Variants in DDC observed in about 807,000 individuals in gnomAD.
DDC encodes dopa decarboxylase.
A neutral mutation model predicts 60.0 loss-of-function variants in DDC; 43 were observed. The ratio of observed to expected loss-of-function variants is 0.72; its 90% CI spans 0.56 to 0.92. DDC has a LOEUF of 0.92. Among genes scored for constraint, DDC ranks in the 40% least tolerant of loss-of-function variants. The probability of loss-of-function intolerance (pLI) is 0.00; values close to 1 mark genes in which losing one functional copy is unlikely to be tolerated. For synonymous variants in DDC, 232 were observed against 234.6 expected, an observed-to-expected ratio of 0.99 and a Z score of 0.10; for missense variants, 573 against 620.2, an observed-to-expected ratio of 0.92 and a Z score of 0.81.
intron 4 of DDC, among the ~76,000 whole-genome samples, chr7:50,532,320 G>A (rs569878410): frequency 6.6e-6 from 1 of 152,346 alleles, no homozygotes; most frequent in African/African-American, 2.4e-5. Flanking sequence ...TAAAGCGGGG[G>A]CTGAGAGATG....
intron 13 of DDC, among the ~76,000 whole-genome samples, chr7:50,466,293 G>C (rs1025996380): frequency 6.6e-6 from 1 of 152,034 alleles, no homozygotes; most frequent in Non-Finnish European, 1.5e-5. Context: ...TTCGAGACCA[G>C]CCTGACCAAC....
chr7:50,518,438 C>T (rs1201452332), intron 6 of DDC, among the ~76,000 whole-genome samples: 1 of 152,106 alleles, frequency 6.6e-6, no homozygotes, highest in African/African-American at 2.4e-5. Flanking sequence ...CAAAGCAAGA[C>T]TAAGCAAAAA....
At chr7:50,482,101 C>G (rs1445633855) in intron 9 of DDC, among the ~76,000 whole-genome samples, 1 of 152,224 alleles carries the variant, frequency 6.6e-6, no homozygotes, top group African/African-American at 2.4e-5. Context: ...AATGGAATAG[C>G]ACAAGGTGAG....
At chr7:50,462,226 CAAAAA>C (rs11410259) in intron 14 of DDC, among the ~76,000 whole-genome samples, 10 of 75,380 alleles carry the variant, frequency 1.3e-4, no homozygotes, top group African/African-American at 5.5e-4. Flanking sequence ...GACAAAAAGA[CAAAAA>C]AAAAAAAAAA....
intron 6 of DDC, among the ~76,000 whole-genome samples, chr7:50,506,900 C>T (rs952697467): frequency 3.3e-5 from 5 of 152,194 alleles, no homozygotes; most frequent in African/African-American, 1.2e-4. Flanking sequence ...AATAATTCTC[C>T]GCATTTGTTT....
intron 1 of DDC, among the ~76,000 whole-genome samples, chr7:50,549,225 T>C (rs1441335303): frequency 6.6e-6 from 1 of 152,232 alleles, no homozygotes; most frequent in Non-Finnish European, 1.5e-5. Flanking sequence ...CAAAGAGTAA[T>C]TTAGACTTTC....
At chr7:50,459,302 C>T (rs529449499) in intron 14 of DDC, among the ~76,000 whole-genome samples, 7 of 152,182 alleles carry the variant, frequency 4.6e-5, no homozygotes, top group African/African-American at 9.7e-5. Flanking sequence ...GATCTCGGCT[C>T]GCTACAACCT....
At chr7:50,499,692 C>T (rs992583738) in intron 7 of DDC, among the ~76,000 whole-genome samples, 7 of 152,176 alleles carry the variant, frequency 4.6e-5, no homozygotes, top group Non-Finnish European at 1.0e-4. Context: ...CTACCTGCCC[C>T]ACTCCATCCC....
chr7:50,470,325 C>T (rs1191689716), intron 11 of DDC, among the ~76,000 whole-genome samples, 154 bp from the exon 12 acceptor site: 4 of 152,214 alleles, frequency 2.6e-5, no homozygotes, highest in African/African-American at 7.2e-5. Flanking sequence ...ATGGCAGGGC[C>T]CTCGGTGATG....
At chr7:50,552,113 A>G (rs761820875) in intron 1 of DDC, among the ~76,000 whole-genome samples, 9 of 152,240 alleles carry the variant, frequency 5.9e-5, no homozygotes, top group Non-Finnish European at 1.0e-4. Context: ...TGGTTCTTAT[A>G]TTTTAAATTA....
intron 2 of DDC, among the ~76,000 whole-genome samples, chr7:50,540,650 G>A (rs2044597874): frequency 6.6e-6 from 1 of 152,188 alleles, no homozygotes; most frequent in Admixed American, 6.5e-5. Context: ...CACCTCTGCT[G>A]TCCCTCAGCC....
intron 9 of DDC, 87 bp from the exon 10 acceptor site, chr7:50,479,950 G>A: frequency 9.9e-7 from 1 of 1,007,766 alleles, no homozygotes; most frequent in Non-Finnish European, 1.5e-6. Context: ...CCTCAGCTCA[G>A]GCACCTGCTC....
rs111520565 is a variant in DDC, at chr7:50,522,839, C to T, written c.714+5298G>A. 1.9e-3 allele frequency among the ~76,000 whole-genome samples: 294 copies of T among 152,080 alleles called. 2 individuals are homozygous for T. Among genetic ancestry groups the T allele is most frequent in the African/African-American group, 6.7e-3 (279 of 41,408 alleles). ...TATACAGGAAGCATGGCTGGGGGGG[C>T]CTCCGGAAACTTACAATCATGGCAG... is the stretch of plus-strand genomic sequence containing the variant. On this transcript the variant is annotated intron_variant, in intron 6 of 14. Transcript: ENST00000444124.
intron 6 of DDC, among the ~76,000 whole-genome samples, chr7:50,518,089 T>A (rs1309168083): frequency 6.6e-6 from 1 of 151,636 alleles, no homozygotes; most frequent in African/African-American, 2.4e-5. Flanking sequence ...CAAGTGCCTG[T>A]AGTCCCAGCT....
intron 10 of DDC, among the ~76,000 whole-genome samples, chr7:50,479,337 C>T (rs2042716085): frequency 6.6e-6 from 1 of 152,216 alleles, no homozygotes; most frequent in South Asian, 2.1e-4. Flanking sequence ...TGAGCCTTGG[C>T]TTCATCTTAT....
chr7:50,532,216 G>A (rs2044239209), intron 4 of DDC, among the ~76,000 whole-genome samples: 1 of 152,186 alleles, frequency 6.6e-6, no homozygotes, highest in South Asian at 2.1e-4. Context: ...CTTGTCTGCT[G>A]AGAAGGGTGA....
intron 1 of DDC, among the ~76,000 whole-genome samples, chr7:50,548,664 T>C (rs939062231): frequency 6.6e-6 from 1 of 152,210 alleles, no homozygotes; most frequent in Non-Finnish European, 1.5e-5. Context: ...CTCCATTACA[T>C]AGAAGTGCAA....
chr7:50,513,142 C>T (rs958797976), intron 6 of DDC, among the ~76,000 whole-genome samples: 4 of 152,156 alleles, frequency 2.6e-5, no homozygotes, highest in Non-Finnish European at 4.4e-5. Context: ...CAGGAGGCAC[C>T]CTAAGTACTG....
chr7:50,543,836 C>T (rs762521718), intron 2 of DDC, 49 bp downstream of exon 2: 14 of 1,541,722 alleles, frequency 9.1e-6, no homozygotes, highest in Non-Finnish European at 1.3e-5. Flanking sequence ...CAAGTAGGTG[C>T]TATGTGAGTT....
Sources: allele counts gnomAD v4.1 joint callset (sites outside exome capture counted in the v4.1 genomes callset), GRCh38; gene constraint gnomAD v4.1.1; transcripts MANE v1.5; gene names NCBI Gene and HGNC (gene_info 2026-07-23, HGNC 2026-07-21).